The following SHANK2 variants were observed in gnomAD, a reference collection of about 807,000 sequenced individuals.
The protein encoded by SHANK2 is SH3 and multiple ankyrin repeat domains protein 2.
A neutral mutation model predicts 133.7 loss-of-function variants in SHANK2; 43 were observed. The observed-to-expected ratio is 0.32, with a 90% CI of 0.25 to 0.41. SHANK2 has a LOEUF of 0.41. Ranked by LOEUF, SHANK2 falls within the 10% of genes least tolerant of loss-of-function variation. The probability of loss-of-function intolerance (pLI) is 1.00; values close to 1 mark genes in which losing one functional copy is unlikely to be tolerated. For missense variants in SHANK2, 1,994 were observed against 2,235.8 expected (o/e 0.89, Z 2.18); for synonymous variants, 1,017 against 952.8 (o/e 1.07, Z -1.24).
intron 15 of SHANK2, among the ~76,000 whole-genome samples, chr11:70,689,476 C>T (rs533703032): frequency 6.6e-6 from 1 of 152,284 alleles, no homozygotes; most frequent in East Asian, 1.9e-4. Flanking sequence ...GAAGCGCACA[C>T]TCACATCCAC....
chr11:71,219,067 C>T (rs573756612), intron 2 of SHANK2, among the ~76,000 whole-genome samples: 5 of 152,330 alleles, frequency 3.3e-5, no homozygotes, highest in African/African-American at 1.2e-4. Context: ...GACACCATCA[C>T]GTGCAATGTC....
At chr11:70,537,946 G>C (rs1226409357) in intron 17 of SHANK2, among the ~76,000 whole-genome samples, 4 of 152,202 alleles carry the variant, frequency 2.6e-5, no homozygotes, top group African/African-American at 9.6e-5. Context: ...ACCTGCCCTA[G>C]CTGGATTTAC....
chr11:70,636,698 CGT>C (rs1354111965), intron 17 of SHANK2, among the ~76,000 whole-genome samples: 3 of 51,492 alleles, frequency 5.8e-5, no homozygotes, highest in Non-Finnish European at 1.1e-4. Flanking sequence ...TGTGTAAGCA[CGT>C]GTGTGAACAT....
At chr11:70,901,192 C>T (rs995221111) in intron 10 of SHANK2, among the ~76,000 whole-genome samples, 7 of 152,116 alleles carry the variant, frequency 4.6e-5, no homozygotes, top group African/African-American at 9.7e-5. Context: ...TCACTCAAGC[C>T]GTTTGGGTTC....
chr11:70,685,151 C>T (rs899919275), intron 15 of SHANK2, among the ~76,000 whole-genome samples: 8 of 151,904 alleles, frequency 5.3e-5, no homozygotes, highest in South Asian at 4.2e-4. Context: ...AGAGGCTTGG[C>T]GAAAAAACCC....
chr11:71,220,953 C>A (rs1305501102), intron 2 of SHANK2, among the ~76,000 whole-genome samples: 1 of 152,172 alleles, frequency 6.6e-6, no homozygotes, highest in Non-Finnish European at 1.5e-5. Flanking sequence ...ATAATCCCAG[C>A]ACTTTGGGAG....
intron 1 of SHANK2, among the ~76,000 whole-genome samples, chr11:71,250,965 C>A (rs923249317): frequency 4.6e-5 from 7 of 152,166 alleles, no homozygotes; most frequent in African/African-American, 1.4e-4. Context: ...AAAAAGAGGT[C>A]ACTCAACTAT....
chr11:70,814,404 A>G (rs988276122), intron 12 of SHANK2, among the ~76,000 whole-genome samples: 10 of 151,782 alleles, frequency 6.6e-5, no homozygotes, highest in Non-Finnish European at 1.3e-4. Context: ...AGCAGGGCCC[A>G]GCCACCCCCA....
At chr11:71,108,041 G>A (rs556272123) in intron 6 of SHANK2, among the ~76,000 whole-genome samples, 147 of 152,346 alleles carry the variant, frequency 9.6e-4, no homozygotes, top group African/African-American at 3.4e-3. Context: ...TGCCAGGGTG[G>A]TGAGAGCCAC....
At chr11:71,123,089 G>A (rs1952109650) in intron 3 of SHANK2, among the ~76,000 whole-genome samples, 1 of 152,126 alleles carries the variant, frequency 6.6e-6, no homozygotes, top group South Asian at 2.1e-4. Context: ...AGCCACCCAC[G>A]TGTTCACACC....
At chr11:70,955,430 T>C (rs1391640953) in intron 10 of SHANK2, among the ~76,000 whole-genome samples, 1 of 140,212 alleles carries the variant, frequency 7.1e-6, no homozygotes, top group Non-Finnish European at 1.6e-5. Context: ...GGGGTGTGTG[T>C]GTGTGTGTGT....
chr11:71,251,715 T>C (rs1555125881), intron 1 of SHANK2, among the ~76,000 whole-genome samples: 1 of 150,146 alleles, frequency 6.7e-6, no homozygotes, highest in East Asian at 2.0e-4. Context: ...CGGGCCGGGG[T>C]CGGGCACCCG....
At chr11:70,843,892 G>A (rs574124592) in intron 11 of SHANK2, among the ~76,000 whole-genome samples, 8 of 152,212 alleles carry the variant, frequency 5.3e-5, no homozygotes, top group East Asian at 3.9e-4. Context: ...TGCTTCCGTC[G>A]GAAGGCCTGT....
At chr11:70,533,556 C>T (rs565350923) in intron 17 of SHANK2, among the ~76,000 whole-genome samples, 43 of 152,320 alleles carry the variant, frequency 2.8e-4, no homozygotes, top group African/African-American at 9.9e-4. Context: ...GCCTGGCGTT[C>T]CCTCTGCCGC....
rs1350039472 is a variant in SHANK2, at chr11:70,486,184, ACGGTGGTGGGCT to A, written c.4097_4108del (p.Glu1366_Thr1369del). 4 of 1,613,134 alleles carry A rather than the reference ACGGTGGTGGGCT, an allele frequency of 2.5e-6. No individual in the cohort carries two copies. Among genetic ancestry groups the A allele is most frequent in the Non-Finnish European group, 2.5e-6 (3 of 1,179,274 alleles). On this transcript the variant is annotated inframe_deletion, in exon 25 of 26. Coordinates refer to ENST00000601538, the MANE Select transcript of SHANK2 (RefSeq NM_012309.5). This position sits in a 1 kb window ranked among gnomAD's most constrained non-coding sequence, Gnocchi z 8.0. The stretch of plus-strand genomic sequence containing the variant: ...CACCGCGACGATGGTTCTGCCGGGC[ACGGTGGTGGGCT>A]CGGGGGCAGCGGAGATCTGTAAAGC...
intron 14 of SHANK2, among the ~76,000 whole-genome samples, chr11:70,764,996 GA>G (rs1947088398): frequency 6.6e-6 from 1 of 152,206 alleles, no homozygotes; most frequent in Admixed American, 6.5e-5. Flanking sequence ...ATCCATTAAT[GA>G]AAGACAAGCC....
chr11:70,690,670 CATAAATATAAAT>C (rs60007949), intron 15 of SHANK2, among the ~76,000 whole-genome samples: 1,691 of 130,132 alleles, frequency 0.013, 28 homozygotes, highest in African/African-American at 0.039. Flanking sequence ...ACTTAGAACC[CATAAATATAAAT>C]ATAAATATAA....
At chr11:71,071,456 T>A (rs1208335470) in intron 9 of SHANK2, among the ~76,000 whole-genome samples, 1 of 152,228 alleles carries the variant, frequency 6.6e-6, no homozygotes, top group Non-Finnish European at 1.5e-5. Context: ...CCACACGTGC[T>A]TCCTCTCAGG....
intron 17 of SHANK2, among the ~76,000 whole-genome samples, chr11:70,622,302 C>T (rs892852201): frequency 2.0e-5 from 3 of 152,100 alleles, no homozygotes; most frequent in Non-Finnish European, 4.4e-5. Context: ...GAGCCCAGGA[C>T]TCAACTCATG....
Sources: allele counts gnomAD v4.1 joint callset (sites outside exome capture counted in the v4.1 genomes callset), GRCh38; gene constraint gnomAD v4.1.1; non-coding constraint Gnocchi (gnomAD v3.1); transcripts MANE v1.5; gene names NCBI Gene and HGNC (gene_info 2026-07-23, HGNC 2026-07-21).